The following SLC41A1 variants were observed in gnomAD, a reference collection of about 807,000 sequenced individuals.
SLC41A1 encodes the protein solute carrier family 41 (magnesium transporter), member 1.
SLC41A1 carries 20 observed loss-of-function variants against 47.3 expected under a neutral mutation model. That is an observed-to-expected ratio of 0.42 (90% CI 0.30 to 0.61). The LOEUF (loss-of-function observed/expected upper bound fraction) is 0.61, where lower values mean the gene tolerates loss of function less well. Among genes scored for constraint, SLC41A1 ranks in the 20% least tolerant of loss-of-function variants. The pLI is 0.17. For synonymous variants in SLC41A1, 282 were observed against 272.7 expected (o/e 1.03, Z -0.34); for missense variants, 504 against 674.1 (o/e 0.75, Z 2.79).
At chr1:205,797,265 C>T (rs550964896) in intron 7 of SLC41A1, among the ~76,000 whole-genome samples, 3 of 152,314 alleles carry the variant, frequency 2.0e-5, no homozygotes, top group East Asian at 3.9e-4. Flanking sequence ...CTAAGTTGGC[C>T]GGAGGAGCAG....
At chr1:205,806,095 A>G (rs1431529761) in intron 2 of SLC41A1, among the ~76,000 whole-genome samples, 1 of 152,206 alleles carries the variant, frequency 6.6e-6, no homozygotes, top group Non-Finnish European at 1.5e-5. Context: ...CACCTGTCTG[A>G]GGCTTTTCCA....
rs564349299 is a variant in SLC41A1, at chr1:205,789,616, G to A, written c.*1917C>T. 6.6e-6 allele frequency: 1 copy of A among 152,374 alleles called. No individual in the cohort carries two copies. The highest frequency in any genetic ancestry group is 2.1e-4 in the South Asian group (1 of 4,822). The allele number at this position is 152,374 out of a possible 1,614,324, so 9.4% of individuals were successfully genotyped here. ...AGAGGGAGGAGGAAAAACAAGCCCA[G>A]GCTGGTGTTAATGAATTCTGTTGGA... On this transcript the variant is annotated 3_prime_UTR_variant, in exon 11 of 11. Coordinates refer to ENST00000367137, the MANE Select transcript of SLC41A1 (RefSeq NM_173854.6).
intron 2 of SLC41A1, among the ~76,000 whole-genome samples, chr1:205,809,129 T>G (rs945664715): frequency 5.9e-5 from 9 of 152,244 alleles, no homozygotes; most frequent in Non-Finnish European, 1.2e-4. Flanking sequence ...TGATACACAT[T>G]GCTGAATTAC....
chr1:205,798,545 T>A, intron 6 of SLC41A1, 124 bp downstream of exon 6: 4 of 1,407,044 alleles, frequency 2.8e-6, no homozygotes, highest in Non-Finnish European at 4.0e-6. Flanking sequence ...TCAGGAATTA[T>A]TACAACCTGT....
chr1:205,791,735 G>GC lies in SLC41A1; in HGVS notation c.1357-18dup, dbSNP rs763700002. On this transcript the variant is annotated splice_polypyrimidine_tract_variant and intron_variant, in intron 10 of 10. Coordinates refer to ENST00000367137, the MANE Select transcript of SLC41A1 (RefSeq NM_173854.6). The surrounding 1 kb of genome is among the most constrained non-coding windows in gnomAD (Gnocchi z 4.0). ...AATCAGCACCTGGGGAGACAAAAGGGCCCAGCCTATAGCCATCCTCTCTCT... is the reference window on the plus strand; with the variant it reads ...AATCAGCACCTGGGGAGACAAAAGGGCCCCAGCCTATAGCCATCCTCTCTCT... The GC allele has an allele frequency of 3.1e-6, 5 of 1,611,282 alleles. No homozygotes were observed.
intron 7 of SLC41A1, among the ~76,000 whole-genome samples, chr1:205,797,681 G>A (rs1655780920): frequency 6.6e-6 from 1 of 152,224 alleles, no homozygotes; most frequent in South Asian, 2.1e-4. Flanking sequence ...GTATGTCGCT[G>A]AATTCAGCTG....
At position 205,791,596 on chromosome 1, in the gene SLC41A1, G is replaced by A. The variant is rs775629861; in HGVS notation, c.1479C>T (p.Leu493=). ...AGAGAACATGGAAGCTGAGTGCTAG[G>A]AGCCCAGTGCCAAGCAGGTCCCCCA... ...TALGDLLGTG[L]LALSFHVLWL... Residue 493 remains leucine, a synonymous_variant, in exon 11 of 11, where the codon CTC becomes CTT. Transcript: ENST00000367137. The surrounding 1 kb of genome is among the most constrained non-coding windows in gnomAD (Gnocchi z 4.0). The A allele has an allele frequency of 6.2e-6, 10 of 1,614,024 alleles. No individual in the cohort carries two copies. The South Asian group carries it at 9.9e-5, about 16-fold the overall frequency.
Position 205,800,597 on chromosome 1 carries a change from A to T in SLC41A1, c.480+356T>A, listed in dbSNP as rs1655856606. ...CCCAGCTGCAAAGCAGGGGCTGGAGATCAGAGGAGGCCCCCATCTGTGCGG... is the reference window on the plus strand; with the variant it reads ...CCCAGCTGCAAAGCAGGGGCTGGAGTTCAGAGGAGGCCCCCATCTGTGCGG... On this transcript the variant is annotated intron_variant, in intron 3 of 10. Transcript: ENST00000367137. Among the ~76,000 whole-genome samples, 3 of 151,846 alleles carry T rather than the reference A, an allele frequency of 2.0e-5. No individual in the cohort carries two copies. In the South Asian group the frequency reaches 6.2e-4, roughly 32 times the overall value.
chr1:205,808,069 C>G (rs895187046), intron 2 of SLC41A1, among the ~76,000 whole-genome samples: 2 of 151,952 alleles, frequency 1.3e-5, no homozygotes, highest in African/African-American at 4.8e-5. Context: ...GATTCTCTTG[C>G]CTCAGCTTCC....
Position 205,810,232 on chromosome 1 carries a change from C to G in SLC41A1, c.210G>C (p.Gly70=). The part of the protein sequence containing the change: ...VREEDALLEN[G]SQSNESDDVS... ...CGTCGTCACTTTCGTTGCTCTGGCT[C>G]CCGTTCTCCAGCAGGGCGTCCTCCT... is the stretch of plus-strand genomic sequence containing the variant. Residue 70 remains glycine, a synonymous_variant, in exon 2 of 11, where the codon GGG becomes GGC. Transcript: ENST00000367137. The surrounding 1 kb of genome is among the most constrained non-coding windows in gnomAD (Gnocchi z 5.5). 6.2e-7 allele frequency: 1 copy of G among 1,614,234 alleles called. No individual in the cohort carries two copies. Among genetic ancestry groups the G allele is most frequent in the African/African-American group, 1.3e-5 (1 of 75,058 alleles).
intron 10 of SLC41A1, among the ~76,000 whole-genome samples, chr1:205,792,225 A>T (rs1655642680): frequency 6.6e-6 from 1 of 152,188 alleles, no homozygotes; most frequent in African/African-American, 2.4e-5. Context: ...CGGTTGTCTT[A>T]AGTAACAGAT....
At chr1:205,793,587 G>T (rs1463754643) in intron 10 of SLC41A1, among the ~76,000 whole-genome samples, 1 of 152,232 alleles carries the variant, frequency 6.6e-6, no homozygotes, top group African/African-American at 2.4e-5. Context: ...GAGGGGGCTG[G>T]AGGGATAGGT....
At chr1:205,804,750 G>A (rs746347083) in intron 2 of SLC41A1, among the ~76,000 whole-genome samples, 1 of 152,020 alleles carries the variant, frequency 6.6e-6, no homozygotes, top group Non-Finnish European at 1.5e-5. Flanking sequence ...CACAGCCTCA[G>A]AGCTCATCTT....
At chr1:205,797,778 T>C (rs1655782251) in intron 7 of SLC41A1, 126 bp downstream of exon 7, 4 of 1,229,896 alleles carry the variant, frequency 3.3e-6, no homozygotes, top group Admixed American at 1.7e-5. Context: ...CAGAAGGACA[T>C]GTGACTGAAA....
At chr1:205,801,578 A>G (rs1655881700) in intron 2 of SLC41A1, 1 of 186,498 alleles carries the variant, frequency 5.4e-6, no homozygotes, top group Non-Finnish European at 1.1e-5. Flanking sequence ...CAGCCACAGC[A>G]ACTCTCCTTC....
rs1345064818 is a variant in SLC41A1, at chr1:205,794,875, G to T, written c.1351C>A (p.Leu451Ile). ...CTGCTCCTGCCACTTTGTACCTGGAGCAGTGCAGCTGTCATATAGAAGATG... is the reference window on the plus strand; with the variant it reads ...CTGCTCCTGCCACTTTGTACCTGGATCAGTGCAGCTGTCATATAGAAGATG... ...FIIFYMTAAL[L>I]QVLILLYIAD... Residue 451 changes from leucine to isoleucine, a missense_variant, in exon 10 of 11, where the codon CTC becomes ATC. Leu to Ile is a conservative substitution (Grantham distance 5). This residue lies in a region of SLC41A1 where 421 missense variants were observed against 601.6 expected (regional missense o/e 0.70). Transcript: ENST00000367137. The T allele has an allele frequency of 1.2e-6, 2 of 1,613,944 alleles. No homozygotes were observed. The highest frequency in any genetic ancestry group is 1.7e-6 in the Non-Finnish European group (2 of 1,179,992).
chr1:205,807,650 C>CTTTT lies in SLC41A1; in HGVS notation c.372+2416_372+2419dup, dbSNP rs71152452. ...AAAGAAAATAGGCTCCTCGTAGAGT[C>CTTTT]TTTTTTTTTTTTTTTTTTTTTTTGA... On this transcript the variant is annotated intron_variant, in intron 2 of 10. Coordinates refer to ENST00000367137, the MANE Select transcript of SLC41A1 (RefSeq NM_173854.6). Among the ~76,000 whole-genome samples, 135 of 98,478 alleles carry CTTTT rather than the reference C, an allele frequency of 1.4e-3. 2 individuals carry two copies. Among genetic ancestry groups the CTTTT allele is most frequent in the Non-Finnish European group, 1.6e-3 (83 of 52,888 alleles). 64.6% of individuals were successfully genotyped at this position (98,478 alleles called of 152,430 possible).
In SLC41A1 at chr1:205,791,542, G is replaced by A. The variant is rs755610090; in HGVS notation, c.1533C>T (p.Val511=). 6 of 1,613,954 alleles carry A rather than the reference G, an allele frequency of 3.7e-6. No individual in the cohort carries two copies. The highest frequency in any genetic ancestry group is 1.7e-5 in the Admixed American group (1 of 59,986). Residue 511 remains valine (V), a synonymous_variant, in exon 11 of 11, where the codon GTC becomes GTT. Coordinates refer to ENST00000367137, the MANE Select transcript of SLC41A1 (RefSeq NM_173854.6). The surrounding 1 kb of genome is among the most constrained non-coding windows in gnomAD (Gnocchi z 4.0). ...LWLIGDRDTD[V]GD Reference sequence around the variant, plus strand: ...ATGTTGAGTGACCAAGCTAGTCCCCGACATCCGTGTCTCGGTCCCCTATGA... The same window carrying A: ...ATGTTGAGTGACCAAGCTAGTCCCCAACATCCGTGTCTCGGTCCCCTATGA...
In SLC41A1 at chr1:205,795,509, A is replaced by G. The variant is rs776694882; in HGVS notation, c.1073-31T>C. 6 of 1,613,626 alleles carry G rather than the reference A, an allele frequency of 3.7e-6. No homozygotes were observed. In the African/African-American group the frequency reaches 8.0e-5, roughly 22 times the overall value. On this transcript the variant is annotated intron_variant, in intron 8 of 10. Coordinates refer to ENST00000367137, the MANE Select transcript of SLC41A1 (RefSeq NM_173854.6). ...GAGACACATACGGGCTTAGACACAG[A>G]CAGAGGTCAGAGGGAGGAGTGGGAA... is the stretch of plus-strand genomic sequence containing the variant.
Sources: allele counts gnomAD v4.1 joint callset (sites outside exome capture counted in the v4.1 genomes callset), GRCh38; gene constraint gnomAD v4.1.1; regional missense constraint gnomAD v4.1.1; non-coding constraint Gnocchi (gnomAD v3.1); transcripts MANE v1.5; gene names NCBI Gene and HGNC (gene_info 2026-07-23, HGNC 2026-07-21).